CRPPA: variants seen among roughly 807,000 people sequenced by gnomAD.
CRPPA encodes the protein D-ribitol-5-phosphate cytidylyltransferase.
Under a neutral mutation model 52.0 loss-of-function variants are expected in CRPPA, and 43 were observed. That is an observed-to-expected ratio of 0.83 (90% CI 0.65 to 1.07). The LOEUF is 1.07. Among genes scored for constraint, CRPPA ranks in the 50% least tolerant of loss-of-function variants. CRPPA has a pLI of 0.00. For synonymous variants in CRPPA, 250 were observed against 203.5 expected, an observed-to-expected ratio of 1.23 and a Z score of -1.94; for missense variants, 629 against 551.7, an observed-to-expected ratio of 1.14 and a Z score of -1.40.
intron 9 of CRPPA, among the ~76,000 whole-genome samples, chr7:16,111,120 C>A (rs1438515253): frequency 6.6e-6 from 1 of 151,726 alleles, no homozygotes; most frequent in Non-Finnish European, 1.5e-5. Flanking sequence ...CGGCAAGGGA[C>A]CTGAATAAAC....
chr7:16,286,521 C>T (rs1784453186), intron 5 of CRPPA, among the ~76,000 whole-genome samples: 1 of 152,142 alleles, frequency 6.6e-6, no homozygotes, highest in African/African-American at 2.4e-5. Flanking sequence ...CCTACCTCTT[C>T]TCATGCTATA....
chr7:16,147,531 C>G (rs1486168594), intron 9 of CRPPA, among the ~76,000 whole-genome samples: 1 of 152,130 alleles, frequency 6.6e-6, no homozygotes, highest in Non-Finnish European at 1.5e-5. Flanking sequence ...ACTTACTTAT[C>G]TTTGTTCAAT....
chr7:16,151,712 T>C (rs59124001), intron 9 of CRPPA, among the ~76,000 whole-genome samples: 5,767 of 152,174 alleles, frequency 0.038, 339 homozygotes, highest in East Asian at 0.3. Flanking sequence ...TGAAAAAATA[T>C]TGTACATATT....
chr7:16,177,242 T>C (rs1480679603), intron 9 of CRPPA, among the ~76,000 whole-genome samples: 2 of 152,136 alleles, frequency 1.3e-5, no homozygotes, highest in Admixed American at 6.6e-5. Flanking sequence ...GGTTGCTCAA[T>C]ACATTTGTTG....
At chr7:16,146,321 C>G (rs1782974415) in intron 9 of CRPPA, among the ~76,000 whole-genome samples, 1 of 151,656 alleles carries the variant, frequency 6.6e-6, no homozygotes, top group Non-Finnish European at 1.5e-5. Flanking sequence ...TCTTTCCAGA[C>G]AAATAAAAAC....
intron 3 of CRPPA, among the ~76,000 whole-genome samples, chr7:16,375,883 T>A (rs1235809731): frequency 6.6e-6 from 1 of 152,178 alleles, no homozygotes; most frequent in African/African-American, 2.4e-5. Flanking sequence ...GAAAAGAGCA[T>A]CTAGAAGCCT....
At chr7:16,214,915 G>C (rs545630188) in intron 9 of CRPPA, among the ~76,000 whole-genome samples, 36 of 152,138 alleles carry the variant, frequency 2.4e-4, no homozygotes, top group Non-Finnish European at 3.8e-4. Flanking sequence ...CCTGACTTCA[G>C]TAGCCTCCTA....
intron 3 of CRPPA, among the ~76,000 whole-genome samples, chr7:16,371,244 C>G (rs899090161): frequency 1.3e-5 from 2 of 152,140 alleles, no homozygotes; most frequent in African/African-American, 2.4e-5. Flanking sequence ...CCCTATTGAC[C>G]TGAAGCCTGA....
At chr7:16,330,455 C>G (rs1785523488) in intron 3 of CRPPA, among the ~76,000 whole-genome samples, 1 of 152,124 alleles carries the variant, frequency 6.6e-6, no homozygotes, top group African/African-American at 2.4e-5. Flanking sequence ...GCTGCTGTCC[C>G]CAGAATCATA....
intron 6 of CRPPA, among the ~76,000 whole-genome samples, chr7:16,265,531 G>C (rs1783930688): frequency 6.6e-6 from 1 of 152,182 alleles, no homozygotes; most frequent in Non-Finnish European, 1.5e-5. Flanking sequence ...ACTGTTCTAG[G>C]AAGTCTGAAG....
chr7:16,172,551 T>TG (rs1781211251), intron 9 of CRPPA, among the ~76,000 whole-genome samples: 1 of 152,202 alleles, frequency 6.6e-6, no homozygotes, highest in Non-Finnish European at 1.5e-5. Flanking sequence ...TTGCCAGTAT[T>TG]GGAGTACTGA....
Position 16,289,558 on chromosome 7 carries a change from C to A in CRPPA, c.836-11332G>T, listed in dbSNP as rs184304398. ...ATCCATAAATGTGATACATCACTAT[C>A]AACAGAATAAAGGCCAAAAACCATA... On this transcript the variant is annotated intron_variant, in intron 5 of 9. Coordinates refer to ENST00000407010, the MANE Select transcript of CRPPA (RefSeq NM_001101426.4). Among the ~76,000 whole-genome samples the A allele has an allele frequency of 4.5e-3, 679 of 152,180 alleles. 9 individuals are homozygous for A. Among genetic ancestry groups the A allele is most frequent in the African/African-American group, 0.016 (648 of 41,544 alleles).
At chr7:16,327,803 C>T (rs1785452353) in intron 3 of CRPPA, among the ~76,000 whole-genome samples, 1 of 152,038 alleles carries the variant, frequency 6.6e-6, no homozygotes, top group Admixed American at 6.6e-5. Context: ...GGGGAAGGAG[C>T]TCCTTGCTTT....
intron 9 of CRPPA, among the ~76,000 whole-genome samples, chr7:16,134,616 T>C (rs1044906963): frequency 6.6e-6 from 1 of 152,192 alleles, no homozygotes; most frequent in Non-Finnish European, 1.5e-5. Context: ...CCCAACCCAA[T>C]GTTGTTCAAG....
At chr7:16,125,133 G>A (rs957001773) in intron 9 of CRPPA, among the ~76,000 whole-genome samples, 14 of 151,392 alleles carry the variant, frequency 9.2e-5, no homozygotes, top group Non-Finnish European at 1.5e-4. Flanking sequence ...GGTGGCGCAC[G>A]CCTGCAATCC....
At chr7:16,173,969 T>C (rs1181335930) in intron 9 of CRPPA, among the ~76,000 whole-genome samples, 2 of 152,112 alleles carry the variant, frequency 1.3e-5, no homozygotes, top group Non-Finnish European at 2.9e-5. Flanking sequence ...TAAAACAACA[T>C]AAAAATTGGA....
At chr7:16,169,222 T>C (rs1781128582) in intron 9 of CRPPA, among the ~76,000 whole-genome samples, 1 of 152,178 alleles carries the variant, frequency 6.6e-6, no homozygotes, top group Non-Finnish European at 1.5e-5. Flanking sequence ...AAAGGTAAGA[T>C]ATAATTAAAA....
chr7:16,399,651 C>T (rs1335053389), intron 2 of CRPPA, among the ~76,000 whole-genome samples: 3 of 151,700 alleles, frequency 2.0e-5, no homozygotes, highest in Non-Finnish European at 4.4e-5. Flanking sequence ...GACATGTAAT[C>T]AACGTGTGAC....
intron 9 of CRPPA, among the ~76,000 whole-genome samples, chr7:16,170,823 G>T (rs1376956997): frequency 1.3e-5 from 2 of 152,200 alleles, no homozygotes; most frequent in Admixed American, 1.3e-4. Flanking sequence ...ACTGGCCCAG[G>T]TGCTAAGCCC....
Sources: gnomAD v4.1 joint callset for allele counts (sites outside exome capture counted in the v4.1 genomes callset) on GRCh38, gnomAD v4.1.1 for gene constraint, MANE v1.5 for transcripts, NCBI Gene and HGNC (gene_info 2026-07-23, HGNC 2026-07-21) for gene names.